Variants in PCDH15 observed in about 807,000 individuals in gnomAD.
The protein encoded by PCDH15 is protocadherin related 15.
A neutral mutation model predicts 178.5 loss-of-function variants in PCDH15; 129 were observed. The ratio of observed to expected loss-of-function variants is 0.72; its 90% CI spans 0.63 to 0.84. The LOEUF (loss-of-function observed/expected upper bound fraction) is 0.84, where lower values mean the gene tolerates loss of function less well. PCDH15 is among the 40% of genes least tolerant of loss of function. PCDH15 has a pLI of 0.00. For synonymous variants in PCDH15, 800 were observed against 732.0 expected, an observed-to-expected ratio of 1.09 and a Z score of -1.50; for missense variants, 2,230 against 2,099.9, an observed-to-expected ratio of 1.06 and a Z score of -1.21.
intron 4 of PCDH15, among the ~76,000 whole-genome samples, chr10:54,370,892 A>G (rs1490863128): frequency 6.6e-6 from 1 of 151,836 alleles, no homozygotes; most frequent in Non-Finnish European, 1.5e-5. Flanking sequence ...AAGAAAGTTG[A>G]CTTGAATTTG....
chr10:55,542,653 A>G (rs1841794492), intron 2 of PCDH15, among the ~76,000 whole-genome samples: 1 of 129,268 alleles, frequency 7.7e-6, no homozygotes, highest in Admixed American at 7.7e-5. Context: ...GTATGTGTCT[A>G]TATAGGTACA....
At chr10:54,773,262 C>CT (rs528192546) in intron 1 of PCDH15, among the ~76,000 whole-genome samples, 70 of 150,066 alleles carry the variant, frequency 4.7e-4, no homozygotes, top group Non-Finnish European at 6.8e-4. Context: ...AAGCTGAAGA[C>CT]TTTTTTTTTT....
chr10:54,326,430 T>A (rs1388339103), intron 7 of PCDH15, among the ~76,000 whole-genome samples: 2 of 152,160 alleles, frequency 1.3e-5, no homozygotes, highest in African/African-American at 2.4e-5. Flanking sequence ...AGCAATTCCA[T>A]TTTTAATTAC....
At chr10:55,039,857 C>T in intron 2 of PCDH15, among the ~76,000 whole-genome samples, 1 of 151,962 alleles carries the variant, frequency 6.6e-6, no homozygotes, top group East Asian at 1.9e-4. Flanking sequence ...AATGACCAGA[C>T]AAAAAGCACA....
intron 1 of PCDH15, among the ~76,000 whole-genome samples, chr10:55,225,651 GA>G (rs1297151352): frequency 2.5e-5 from 2 of 79,730 alleles, no homozygotes; most frequent in Non-Finnish European, 6.1e-5. Context: ...GTGTGTGTGT[GA>G]GAGAGAGAGA....
At chr10:53,974,172 G>A (rs1164517408) in intron 21 of PCDH15, among the ~76,000 whole-genome samples, 1 of 152,006 alleles carries the variant, frequency 6.6e-6, no homozygotes, top group African/African-American at 2.4e-5. Context: ...GACGCTCCAT[G>A]CCTGGATAAT....
At chr10:55,359,382 T>C (rs1248922003) in intron 2 of PCDH15, among the ~76,000 whole-genome samples, 2 of 151,990 alleles carry the variant, frequency 1.3e-5, no homozygotes, top group East Asian at 1.9e-4. Context: ...CTGAAATTCT[T>C]AAGACAGTTA....
chr10:54,752,114 A>G (rs2132987599), intron 1 of PCDH15, among the ~76,000 whole-genome samples: 1 of 152,322 alleles, frequency 6.6e-6, no homozygotes, highest in East Asian at 1.9e-4. Context: ...CTGTATTATC[A>G]GGAATATGTA....
At chr10:54,332,548 G>C (rs1048374374) in intron 6 of PCDH15, among the ~76,000 whole-genome samples, 1 of 149,858 alleles carries the variant, frequency 6.7e-6, no homozygotes. Flanking sequence ...TTATTTCTCT[G>C]TGTACTAATC....
chr10:54,272,788 T>C (rs921366953), intron 8 of PCDH15, among the ~76,000 whole-genome samples: 2 of 152,132 alleles, frequency 1.3e-5, no homozygotes, highest in African/African-American at 4.8e-5. Flanking sequence ...TCTGTTTATA[T>C]GCCACTTATA....
intron 2 of PCDH15, among the ~76,000 whole-genome samples, chr10:55,040,391 C>T (rs1195925884): frequency 6.6e-6 from 1 of 151,838 alleles, no homozygotes; most frequent in Non-Finnish European, 1.5e-5. Flanking sequence ...ACTGTTCTTC[C>T]TTGTTTTACA....
intron 8 of PCDH15, among the ~76,000 whole-genome samples, chr10:54,266,091 A>G (rs1375877493): frequency 1.3e-5 from 2 of 151,934 alleles, no homozygotes; most frequent in Non-Finnish European, 2.9e-5. Context: ...CTCTTGGACC[A>G]CAGTAGAATA....
intron 8 of PCDH15, among the ~76,000 whole-genome samples, chr10:54,280,240 G>A (rs1196901455): frequency 6.6e-6 from 1 of 150,874 alleles, no homozygotes; most frequent in Non-Finnish European, 1.5e-5. Context: ...TATTCATGTG[G>A]CTTCTGTGAT....
At chr10:54,870,057 C>T (rs1421763472) in intron 3 of PCDH15, among the ~76,000 whole-genome samples, 2 of 152,166 alleles carry the variant, frequency 1.3e-5, no homozygotes, top group Non-Finnish European at 2.9e-5. Flanking sequence ...AGTCAAGAGA[C>T]TTATATTTTC....
At chr10:54,986,214 CG>C (rs923173460) in intron 2 of PCDH15, among the ~76,000 whole-genome samples, 1 of 151,722 alleles carries the variant, frequency 6.6e-6, no homozygotes, top group African/African-American at 2.4e-5. Context: ...GCTGCACCCA[CG>C]GGTACTATGC....
chr10:54,608,333 A>G (rs2092837871), intron 2 of PCDH15, among the ~76,000 whole-genome samples: 1 of 151,798 alleles, frequency 6.6e-6, no homozygotes, highest in Non-Finnish European at 1.5e-5. Flanking sequence ...AATAGCGGAC[A>G]TGGTGGGGTA....
chr10:54,257,280 C>T (rs556310649), intron 8 of PCDH15, among the ~76,000 whole-genome samples: 5 of 151,984 alleles, frequency 3.3e-5, no homozygotes, highest in South Asian at 4.2e-4. Context: ...CAGAGGGTTG[C>T]GTTATGAGGG....
chr10:55,224,153 T>C (rs1840961807), intron 1 of PCDH15, among the ~76,000 whole-genome samples: 1 of 152,004 alleles, frequency 6.6e-6, no homozygotes, highest in South Asian at 2.1e-4. Context: ...GTGAGCCAGA[T>C]TGCACCACTG....
intron 2 of PCDH15, among the ~76,000 whole-genome samples, chr10:55,353,901 G>A (rs1020639589): frequency 6.6e-6 from 1 of 151,986 alleles, no homozygotes; most frequent in Non-Finnish European, 1.5e-5. Flanking sequence ...TAAAAATCTT[G>A]TTCTAACATC....
Sources: allele counts gnomAD v4.1 joint callset (sites outside exome capture counted in the v4.1 genomes callset), GRCh38; gene constraint gnomAD v4.1.1; transcripts MANE v1.5; gene names NCBI Gene and HGNC (gene_info 2026-07-23, HGNC 2026-07-21).